The following PTPRD variants were observed in gnomAD, a reference collection of about 807,000 sequenced individuals.
PTPRD encodes receptor-type tyrosine-protein phosphatase delta.
PTPRD carries 34 observed loss-of-function variants against 214.5 expected under a neutral mutation model. The observed-to-expected ratio is 0.16, with a 90% CI of 0.12 to 0.21. PTPRD has a LOEUF of 0.21. PTPRD is among the 10% of genes least tolerant of loss of function. The pLI is 1.00. For synonymous variants in PTPRD, 1,128 were observed against 845.7 expected (o/e 1.33, Z -5.79); for missense variants, 2,545 against 2,398.7 (o/e 1.06, Z -1.27).
At chr9:9,872,782 T>G (rs57376747) in intron 5 of PTPRD, among the ~76,000 whole-genome samples, 4,493 of 152,190 alleles carry the variant, frequency 0.03, 233 homozygotes, top group African/African-American at 0.1. Flanking sequence ...TTTAAAAAAG[T>G]AATTGAGTAT....
intron 5 of PTPRD, among the ~76,000 whole-genome samples, chr9:9,838,356 A>G (rs1460927379): frequency 6.6e-6 from 1 of 152,020 alleles, no homozygotes; most frequent in East Asian, 1.9e-4. Flanking sequence ...TGACTTCCAC[A>G]ATGGTTGAAC....
At chr9:8,762,792 T>C (rs888951739) in intron 11 of PTPRD, among the ~76,000 whole-genome samples, 1 of 152,150 alleles carries the variant, frequency 6.6e-6, no homozygotes, top group Admixed American at 6.6e-5. Flanking sequence ...TTTATGATAC[T>C]CAGAGATATA....
At chr9:9,670,020 G>C (rs1203830873) in intron 7 of PTPRD, among the ~76,000 whole-genome samples, 1 of 152,128 alleles carries the variant, frequency 6.6e-6, no homozygotes, top group Non-Finnish European at 1.5e-5. Flanking sequence ...CAATGAGAAA[G>C]AGGGAGAGAT....
intron 7 of PTPRD, among the ~76,000 whole-genome samples, chr9:9,698,042 T>C (rs1423429106): frequency 6.6e-6 from 1 of 152,186 alleles, no homozygotes; most frequent in Non-Finnish European, 1.5e-5. Context: ...ATTTTTGACT[T>C]TTATTCTGTG....
intron 9 of PTPRD, among the ~76,000 whole-genome samples, chr9:9,283,142 A>G (rs1463315064): frequency 1.3e-5 from 2 of 151,398 alleles, no homozygotes; most frequent in Admixed American, 6.6e-5. Flanking sequence ...CCTTTTTATA[A>G]TTGGACCTCT....
At chr9:8,887,587 T>A (rs1482899716) in intron 11 of PTPRD, among the ~76,000 whole-genome samples, 1 of 152,150 alleles carries the variant, frequency 6.6e-6, no homozygotes, top group Non-Finnish European at 1.5e-5. Flanking sequence ...ATAAATCACA[T>A]CTCTCCTGTA....
At chr9:8,502,307 T>C (rs533997678) in intron 23 of PTPRD, among the ~76,000 whole-genome samples, 5 of 152,254 alleles carry the variant, frequency 3.3e-5, no homozygotes, top group Admixed American at 6.5e-5. Context: ...GCAATGTATA[T>C]GGTAGACTGA....
intron 5 of PTPRD, among the ~76,000 whole-genome samples, chr9:9,793,201 T>C (rs989240572): frequency 6.6e-6 from 1 of 152,114 alleles, no homozygotes; most frequent in Non-Finnish European, 1.5e-5. Context: ...AAATTGCTAT[T>C]ATCATAAGTT....
chr9:10,014,813 A>G (rs1343534), intron 4 of PTPRD, among the ~76,000 whole-genome samples: 69,290 of 151,858 alleles, frequency 0.46, 18,646 homozygotes, highest in South Asian at 0.62. Flanking sequence ...TGATGTGACT[A>G]AGTGCGTGGT....
chr9:10,211,466 G>A (rs940676198), intron 3 of PTPRD, among the ~76,000 whole-genome samples: 2 of 152,142 alleles, frequency 1.3e-5, no homozygotes, highest in East Asian at 3.9e-4. Context: ...GACCATGGAT[G>A]AAGCTGTGAG....
intron 11 of PTPRD, among the ~76,000 whole-genome samples, chr9:8,790,304 C>G (rs147907059): frequency 1.7e-3 from 253 of 152,240 alleles, no homozygotes; most frequent in African/African-American, 5.7e-3. Flanking sequence ...GTGTGAGCCG[C>G]TGCACTTGGC....
intron 8 of PTPRD, among the ~76,000 whole-genome samples, chr9:9,423,359 G>A (rs887878983): frequency 6.6e-5 from 10 of 152,080 alleles, no homozygotes; most frequent in African/African-American, 2.4e-4. Flanking sequence ...CAAAAAGGCA[G>A]CCTTCTGCAA....
At chr9:10,061,955 G>T (rs2097784243) in intron 3 of PTPRD, among the ~76,000 whole-genome samples, 1 of 151,982 alleles carries the variant, frequency 6.6e-6, no homozygotes, top group Non-Finnish European at 1.5e-5. Flanking sequence ...GGAAACTCTG[G>T]AAATGGAGTC....
At chr9:8,951,161 G>GTGTGTGTGTGTA (rs1356654833) in intron 11 of PTPRD, among the ~76,000 whole-genome samples, 5 of 150,198 alleles carry the variant, frequency 3.3e-5, no homozygotes, top group Admixed American at 1.3e-4. Context: ...GTGTGTGTAA[G>GTGTGTGTGTGTA]AGAGAGAGAG....
At chr9:9,929,044 T>A (rs180978673) in intron 5 of PTPRD, among the ~76,000 whole-genome samples, 7 of 152,280 alleles carry the variant, frequency 4.6e-5, no homozygotes, top group Admixed American at 4.6e-4. Context: ...TCTGTATAAC[T>A]CATACATGGC....
intron 36 of PTPRD, among the ~76,000 whole-genome samples, chr9:8,399,261 G>A (rs1306317587): frequency 6.6e-5 from 10 of 152,100 alleles, no homozygotes; most frequent in East Asian, 1.9e-4. Context: ...AGAAAACAAC[G>A]AAAGACTCTA....
chr9:9,129,458 C>T (rs974831440), intron 10 of PTPRD, among the ~76,000 whole-genome samples: 2 of 152,068 alleles, frequency 1.3e-5, no homozygotes, highest in Non-Finnish European at 2.9e-5. Flanking sequence ...TTCCTCCTTT[C>T]TTATTTACGT....
At chr9:10,463,433 T>A (rs2098972491) in intron 2 of PTPRD, among the ~76,000 whole-genome samples, 1 of 152,090 alleles carries the variant, frequency 6.6e-6, no homozygotes, top group East Asian at 1.9e-4. Flanking sequence ...AACACAGAAG[T>A]AGAACTGAAT....
intron 32 of PTPRD, among the ~76,000 whole-genome samples, chr9:8,464,989 T>C (rs2096515468): frequency 6.6e-6 from 1 of 152,018 alleles, no homozygotes; most frequent in Middle Eastern, 3.4e-3. Context: ...GGAGAATAAA[T>C]ACAATCACCC....
Sources: gnomAD v4.1 joint callset for allele counts (sites outside exome capture counted in the v4.1 genomes callset) on GRCh38, gnomAD v4.1.1 for gene constraint, MANE v1.5 for transcripts, NCBI Gene and HGNC (gene_info 2026-07-23, HGNC 2026-07-21) for gene names.